ADGRE3: variants seen among roughly 807,000 people sequenced by gnomAD.
ADGRE3 encodes adhesion G protein-coupled receptor E3, also known as EGF-like module receptor 3.
In ADGRE3, 88 loss-of-function variants were observed where a neutral mutation model predicts 80.1. The observed-to-expected ratio is 1.10, with a 90% CI of 0.93 to 1.31. The LOEUF (loss-of-function observed/expected upper bound fraction) is 1.31, where lower values mean the gene tolerates loss of function less well. ADGRE3 is among the 40% of genes most tolerant of loss of function. The pLI is 0.00. For synonymous variants in ADGRE3, 281 were observed against 294.8 expected (o/e 0.95, Z 0.48); for missense variants, 715 against 776.5 (o/e 0.92, Z 0.94).
chr19:14,609,996 G>A, the ADGRE3 span: 6 of 1,162,300 alleles, frequency 5.2e-6, no homozygotes, highest in East Asian at 2.4e-5. Flanking sequence ...CATCATTACA[G>A]TATTATACAG....
the ADGRE3 span, among the ~76,000 whole-genome samples, chr19:14,608,852 T>G: frequency 6.6e-6 from 1 of 150,844 alleles, no homozygotes; most frequent in Non-Finnish European, 1.5e-5. Context: ...CGAGCTGTAG[T>G]GCAGTGGCAC....
Position 14,665,936 on chromosome 19 carries a change from G to GTATATATA in ADGRE3, c.77-2404_77-2397dup, listed in dbSNP as rs71309616. ...ATATATTGCATATACACACATATGT[G>GTATATATA]TATATATATATATATATATATATAT... On this transcript the variant is annotated intron_variant, in intron 2 of 15. Coordinates refer to ENST00000253673, the MANE Select transcript of ADGRE3 (RefSeq NM_032571.5). Among the ~76,000 whole-genome samples, 244 of 42,076 alleles carry GTATATATA rather than the reference G, an allele frequency of 5.8e-3. 10 individuals are homozygous for GTATATATA. The highest frequency in any genetic ancestry group is 8.4e-3 in the Admixed American group (26 of 3,084). 27.6% of individuals were successfully genotyped at this position (42,076 alleles called of 152,430 possible). A position where few individuals can be genotyped will look rare whatever the true frequency, so the allele number is the denominator to read the frequency against.
At chr19:14,617,364 T>TTCTTTC (rs2075085963), downstream of ADGRE3, among the ~76,000 whole-genome samples, 1 of 108,350 alleles carries the variant, frequency 9.2e-6, no homozygotes, top group African/African-American at 3.5e-5. Flanking sequence ...CTTTCTTTCT[T>TTCTTTC]TCTTTCTTTC....
downstream of ADGRE3, among the ~76,000 whole-genome samples, chr19:14,616,718 A>G (rs1400912554): frequency 2.6e-5 from 4 of 151,582 alleles, no homozygotes; most frequent in Non-Finnish European, 5.9e-5. Flanking sequence ...AGCAGAAGTT[A>G]GATTGCAGTG....
intron 1 of ADGRE3, 111 bp downstream of exon 1, chr19:14,674,635 G>A: frequency 9.2e-7 from 1 of 1,085,454 alleles, no homozygotes; most frequent in Non-Finnish European, 1.4e-6. Context: ...GGGAAAAGGT[G>A]AGAGTGTTCA....
At chr19:14,655,266 G>T in intron 5 of ADGRE3, 101 bp from the exon 6 acceptor site, 1 of 1,028,864 alleles carries the variant, frequency 9.7e-7, no homozygotes, top group Non-Finnish European at 1.4e-6. Context: ...CTCTGGAGCT[G>T]GAGGAACCAC....
Position 14,668,772 on chromosome 19 carries a change from A to G in ADGRE3, c.76+30T>C, listed in dbSNP as rs572171602. On this transcript the variant is annotated intron_variant, in intron 2 of 15. Coordinates refer to ENST00000253673, the MANE Select transcript of ADGRE3 (RefSeq NM_032571.5). ...GCTCCAGGTCCAGCCCTTGGTCCAC[A>G]AGTTCTCTGTTCTGGCTCTGAGCAC... 2.9e-4 allele frequency: 469 copies of G among 1,608,682 alleles called. 7 individuals are homozygous for G. The South Asian group carries it at 4.7e-3, about 16-fold the overall frequency.
At chr19:14,625,216 G>A (rs982270023) in intron 15 of ADGRE3, among the ~76,000 whole-genome samples, 2 of 152,108 alleles carry the variant, frequency 1.3e-5, no homozygotes, top group African/African-American at 4.8e-5. Context: ...CTGACCTCAG[G>A]TGATGCACCC....
rs749618477 is a variant in ADGRE3, at chr19:14,633,010, C to T, written c.1554G>A (p.Ala518=). The T allele has an allele frequency of 8.1e-6, 13 of 1,612,564 alleles. No homozygotes were observed. The highest frequency in any genetic ancestry group is 1.7e-4 in the Middle Eastern group (1 of 6,060). ...FLGPVCAIFS[A]NLVLFILVFW... is the part of the protein sequence containing the mutation. ...AGACCAAGATAAACAATACTAAATT[C>T]GCCTGCAGGACCAACACAAACAAGG... The change falls in exon 13 of 16, where the codon GCG becomes GCA. Residue 518 remains alanine (A), a splice_region_variant and synonymous_variant. Coordinates refer to ENST00000253673, the MANE Select transcript of ADGRE3 (RefSeq NM_032571.5).
chr19:14,627,538 C>T (rs980315816), intron 14 of ADGRE3, among the ~76,000 whole-genome samples: 4 of 151,962 alleles, frequency 2.6e-5, no homozygotes, highest in South Asian at 4.2e-4. Flanking sequence ...CCACCACTCT[C>T]GGCTAATGTT....
At chr19:14,615,202 C>CTTTTTT (rs34167082), downstream of ADGRE3, among the ~76,000 whole-genome samples, 139 of 65,620 alleles carry the variant, frequency 2.1e-3, 3 homozygotes, top group African/African-American at 2.9e-3. Context: ...CAGCTGCCTT[C>CTTTTTT]TTTTTTTTTT....
At chr19:14,667,337 CT>C (rs1972129911) in intron 2 of ADGRE3, among the ~76,000 whole-genome samples, 1 of 149,802 alleles carries the variant, frequency 6.7e-6, no homozygotes, top group Non-Finnish European at 1.5e-5. Flanking sequence ...TGAATGTCTT[CT>C]TTTCTGTTTT....
intron 7 of ADGRE3, among the ~76,000 whole-genome samples, chr19:14,647,579 G>T (rs1971450695): frequency 6.6e-6 from 1 of 151,420 alleles, no homozygotes; most frequent in Non-Finnish European, 1.5e-5. Flanking sequence ...ACCATGCCTG[G>T]CTAATTTTTT....
chr19:14,667,518 T>C (rs187045014), intron 2 of ADGRE3, among the ~76,000 whole-genome samples: 225 of 152,162 alleles, frequency 1.5e-3, no homozygotes, highest in African/African-American at 5.3e-3. Context: ...CCATAAAAAA[T>C]GATGAGTTCA....
At chr19:14,652,249 T>C (rs1971627256) in intron 6 of ADGRE3, among the ~76,000 whole-genome samples, 1 of 152,126 alleles carries the variant, frequency 6.6e-6, no homozygotes, top group Non-Finnish European at 1.5e-5. Flanking sequence ...AGTCATCCTA[T>C]TGTACACCTT....
Position 14,670,866 on chromosome 19 carries a change from C to G in ADGRE3, c.26-2014G>C, listed in dbSNP as rs113533357. On this transcript the variant is annotated intron_variant, in intron 1 of 15. Coordinates refer to ENST00000253673, the MANE Select transcript of ADGRE3 (RefSeq NM_032571.5). ...CTGATAACCCATTACACCACATAGC[C>G]TCTCCTTCAGAAATCCCACAGGGCA... is the stretch of plus-strand genomic sequence containing the variant. 7.6e-3 allele frequency among the ~76,000 whole-genome samples: 1,160 copies of G among 152,334 alleles called. 14 individuals are homozygous for G. The highest frequency in any genetic ancestry group is 0.027 in the African/African-American group (1,123 of 41,562).
the ADGRE3 span, among the ~76,000 whole-genome samples, chr19:14,613,932 C>T: frequency 5.9e-5 from 9 of 152,146 alleles, no homozygotes; most frequent in South Asian, 1.2e-3. Flanking sequence ...GTGATCCACC[C>T]GCCTTGGCCT....
chr19:14,664,562 A>G (rs1042088155), intron 2 of ADGRE3, among the ~76,000 whole-genome samples: 1 of 152,084 alleles, frequency 6.6e-6, no homozygotes, highest in Non-Finnish European at 1.5e-5. Flanking sequence ...TTTAAAAATT[A>G]GCCAGTCATG....
At chr19:14,617,372 T>C (rs1428796280), downstream of ADGRE3, among the ~76,000 whole-genome samples, 218 of 111,144 alleles carry the variant, frequency 2.0e-3, no homozygotes, top group African/African-American at 4.1e-3. Context: ...CTTTCTTTCT[T>C]TCTTCCTTTC....
Sources: allele counts gnomAD v4.1 joint callset (sites outside exome capture counted in the v4.1 genomes callset), GRCh38; gene constraint gnomAD v4.1.1; transcripts MANE v1.5; gene names NCBI Gene and HGNC (gene_info 2026-07-23, HGNC 2026-07-21).